OXA1L: variants seen among roughly 807,000 people sequenced by gnomAD.
OXA1L encodes the protein mitochondrial inner membrane protein OXA1L.
Under a neutral mutation model 52.2 loss-of-function variants are expected in OXA1L, and 42 were observed. That is an observed-to-expected ratio of 0.80 (90% CI 0.63 to 1.04). The LOEUF is 1.04. Among genes scored for constraint, OXA1L ranks in the 50% least tolerant of loss-of-function variants. The pLI, the probability that OXA1L is intolerant of heterozygous loss-of-function variation, is 0.00. For missense variants in OXA1L, 572 were observed against 555.0 expected, an observed-to-expected ratio of 1.03 and a Z score of -0.31; for synonymous variants, 239 against 201.9, an observed-to-expected ratio of 1.18 and a Z score of -1.56.
Position 22,766,729 on chromosome 14 carries a change from C to CGGGA in OXA1L, c.30_33dup (p.Leu12GlyfsTer83). The CGGGA allele has an allele frequency of 6.2e-7, 1 of 1,614,248 alleles. No individual in the cohort carries two copies. The highest frequency in any genetic ancestry group is 1.3e-5 in the African/African-American group (1 of 75,058). Reference sequence around the variant, plus strand: ...GGCGATGGGACTAATGTGCGGACGCCGGGAGCTTCTGCGCTTGCTACAGTC... The same window carrying CGGGA: ...GGCGATGGGACTAATGTGCGGACGCCGGGAGGGAGCTTCTGCGCTTGCTACAGTC... On this transcript the variant is annotated frameshift_variant, in exon 1 of 10. Coordinates refer to ENST00000612549, the MANE Select transcript of OXA1L (RefSeq NM_005015.5). LOFTEE classifies it high-confidence loss of function.
In OXA1L at chr14:22,770,568, C is replaced by A. The variant is rs750987861; in HGVS notation, c.777C>A (p.Ser259=). 6.2e-7 allele frequency: 1 copy of A among 1,614,128 alleles called. No homozygotes were observed. Among genetic ancestry groups the A allele is most frequent in the Non-Finnish European group, 8.5e-7 (1 of 1,179,988 alleles). Residue 259 remains serine (S), a synonymous_variant, in exon 6 of 10, where the codon TCC becomes TCA. Coordinates refer to ENST00000612549, the MANE Select transcript of OXA1L (RefSeq NM_005015.5). The part of the protein sequence containing the change: ...GLWWFQDLTV[S]DPIYILPLAV... ...GGTGGTTCCAGGATCTCACGGTATCCGATCCCATCTACATATTACCACTGG... is the reference window on the plus strand; with the variant it reads ...GGTGGTTCCAGGATCTCACGGTATCAGATCCCATCTACATATTACCACTGG...
chr14:22,770,387 TGG>T (rs780442510), intron 5 of OXA1L, 72 bp from the exon 6 acceptor site: 148 of 1,573,654 alleles, frequency 9.4e-5, no homozygotes, highest in Non-Finnish European at 1.1e-4. Context: ...GGATTATACA[TGG>T]CTTTCAGTAG....
In OXA1L at chr14:22,771,620, A is replaced by G; in HGVS notation, c.*62A>G. The G allele has an allele frequency of 6.4e-7, 1 of 1,562,404 alleles. No homozygotes were observed. Among genetic ancestry groups the G allele is most frequent in the Non-Finnish European group, 8.8e-7 (1 of 1,134,274 alleles). Reference sequence around the variant, plus strand: ...TCTTCAGAGACTCATCCTCAAAACAAGACTTGACACTGTGTCCTTGCCCCA... The same window carrying G: ...TCTTCAGAGACTCATCCTCAAAACAGGACTTGACACTGTGTCCTTGCCCCA... On this transcript the variant is annotated 3_prime_UTR_variant, in exon 10 of 10. Transcript: ENST00000612549.
intron 3 of OXA1L, among the ~76,000 whole-genome samples, chr14:22,769,569 T>A (rs1424327479): frequency 1.3e-5 from 2 of 152,220 alleles, no homozygotes. Context: ...CCTAATCATC[T>A]GCTTAGAGAA....
At position 22,771,271 on chromosome 14, in the gene OXA1L, G is replaced by T; in HGVS notation, c.1106G>T (p.Trp369Leu). 2 of 1,614,100 alleles carry T rather than the reference G, an allele frequency of 1.2e-6. No individual in the cohort carries two copies. Among genetic ancestry groups the T allele is most frequent in the Non-Finnish European group, 1.7e-6 (2 of 1,179,978 alleles). Residue 369 changes from tryptophan (W) to leucine (L), a missense_variant, in exon 9 of 10, where the codon TGG becomes TTG. Trp to Leu is a moderately conservative substitution (Grantham distance 61). Coordinates refer to ENST00000612549, the MANE Select transcript of OXA1L (RefSeq NM_005015.5). The stretch of plus-strand genomic sequence containing the variant: ...TCTCTTGCTTCTCTTTACACAGGCT[G>T]GAAAAATGCTGAAATGACGCGTCAG... Reference protein sequence around the residue: ...EGFLESFKKGWKNAEMTRQLR... With the variant: ...EGFLESFKKGLKNAEMTRQLR...
In OXA1L at chr14:22,771,990, C is replaced by CGGGA. The variant is rs1288264425; in HGVS notation, c.*435_*438dup. 6.2e-6 allele frequency: 1 copy of CGGGA among 162,220 alleles called. No homozygotes were observed. The highest frequency in any genetic ancestry group is 1.3e-5 in the Non-Finnish European group (1 of 74,186). The allele number at this position is 162,220 out of a possible 1,614,324, so 10.0% of individuals were successfully genotyped here. A position where few individuals can be genotyped will look rare whatever the true frequency, so the allele number is the denominator to read the frequency against. On this transcript the variant is annotated 3_prime_UTR_variant, in exon 10 of 10. Coordinates refer to ENST00000612549, the MANE Select transcript of OXA1L (RefSeq NM_005015.5). ...GTGCACACCTGTAGTCCCAGCTACT[C>CGGGA]GGGAGGCTGAGGCAGGAGAATTGCT... is the stretch of plus-strand genomic sequence containing the variant.
At chr14:22,766,855 G>C in intron 1 of OXA1L, 91 bp downstream of exon 1, 1 of 1,574,470 alleles carries the variant, frequency 6.4e-7, no homozygotes, top group Non-Finnish European at 8.6e-7. Flanking sequence ...ATCAGCAGAC[G>C]CTGACCTGCT....
Position 22,770,620 on chromosome 14 carries a change from C to G in OXA1L, c.829C>G (p.Leu277Val). 6.2e-7 allele frequency: 1 copy of G among 1,610,332 alleles called. No individual in the cohort carries two copies. The highest frequency in any genetic ancestry group is 2.2e-5 in the East Asian group (1 of 44,768). ...AGTCACTGCTACAATGTGGGCTGTT[C>G]TTGAGGTAAGCCCAGATTGGCCAAG... ...LAVTATMWAV[L>V]ELGAETGVQS... The change falls in exon 6 of 10, where the codon CTT (leucine) becomes GTT (valine). Residue 277 changes from leucine to valine, a missense_variant. This residue lies in a region of OXA1L where 244 missense variants were observed against 240.2 expected (regional missense o/e 1.02). Transcript: ENST00000612549.
chr14:22,769,902 G>T lies in OXA1L; in HGVS notation c.551G>T (p.Arg184Ile). The change falls in exon 4 of 10, where the codon AGA becomes ATA. Residue 184 changes from arginine (R) to isoleucine (I), a missense_variant. Physicochemically the swap from Arg to Ile is moderately conservative, Grantham distance 97. Coordinates refer to ENST00000612549, the MANE Select transcript of OXA1L (RefSeq NM_005015.5). ...ATCCAGAAGTTTTCCAGTCGAATCAGAGAGGCCAAGTTAGCAGGAGACCAT... is the reference window on the plus strand; with the variant it reads ...ATCCAGAAGTTTTCCAGTCGAATCATAGAGGCCAAGTTAGCAGGAGACCAT... ...PEIQKFSSRIREAKLAGDHIE... is the reference protein window; with the variant it reads ...PEIQKFSSRIIEAKLAGDHIE... 2.5e-6 allele frequency: 4 copies of T among 1,614,174 alleles called. No homozygotes were observed. The highest frequency in any genetic ancestry group is 3.4e-6 in the Non-Finnish European group (4 of 1,180,034).
Position 22,771,641 on chromosome 14 carries a change from C to A in OXA1L, c.*83C>A. 2 of 1,417,332 alleles carry A rather than the reference C, an allele frequency of 1.4e-6. No homozygotes were observed. Among genetic ancestry groups the A allele is most frequent in the Non-Finnish European group, 2.0e-6 (2 of 1,006,490 alleles). 87.8% of individuals were successfully genotyped at this position (1,417,332 alleles called of 1,614,324 possible). ...AACAAGACTTGACACTGTGTCCTTGCCCCAGTCCTAGGAACTGTGGCACAC... is the reference window on the plus strand; with the variant it reads ...AACAAGACTTGACACTGTGTCCTTGACCCAGTCCTAGGAACTGTGGCACAC... On this transcript the variant is annotated 3_prime_UTR_variant, in exon 10 of 10. Transcript: ENST00000612549.
intron 2 of OXA1L, 119 bp downstream of exon 2, chr14:22,767,528 C>G: frequency 1.2e-6 from 1 of 813,868 alleles, no homozygotes; most frequent in Non-Finnish European, 1.9e-6. Context: ...CTCCACACAG[C>G]TCTCCAAAAT....
Position 22,767,974 on chromosome 14 carries a change from T to C in OXA1L, c.242T>C (p.Val81Ala), listed in dbSNP as rs1256624225. 18 of 1,612,464 alleles carry C rather than the reference T, an allele frequency of 1.1e-5. No homozygotes were observed. Among genetic ancestry groups the C allele is most frequent in the Non-Finnish European group, 1.5e-5 (18 of 1,178,572 alleles). ...FAEVQVQAPPVVAATPSPTAV... is the reference protein window; with the variant it reads ...FAEVQVQAPPAVAATPSPTAV... ...TTCACACAGGTTCAGGCCCCTCCTG[T>C]TGTTGCTGCAACTCCCTCACCCACA... The change falls in exon 3 of 10, where the codon GTT becomes GCT. Residue 81 changes from valine to alanine, a missense_variant. Physicochemically the swap from Val to Ala is moderately conservative, Grantham distance 64. This residue lies in a region of OXA1L where 186 missense variants were observed against 151.8 expected (regional missense o/e 1.23). Coordinates refer to ENST00000612549, the MANE Select transcript of OXA1L (RefSeq NM_005015.5).
rs1340557890 is a variant in OXA1L at position 22,772,958 on chromosome 14, C to T, written c.*1400C>T. 1 of 236,254 alleles carries T rather than the reference C, an allele frequency of 4.2e-6. No individual in the cohort carries two copies. Among genetic ancestry groups the T allele is most frequent in the African/African-American group, 2.3e-5 (1 of 43,226 alleles). The allele number at this position is 236,254 out of a possible 1,614,324, so 14.6% of individuals were successfully genotyped here. On this transcript the variant is annotated 3_prime_UTR_variant, in exon 10 of 10. Coordinates refer to ENST00000612549, the MANE Select transcript of OXA1L (RefSeq NM_005015.5). ...TGATCCAAGATCATGCTGCTATACT[C>T]CAGCCTTGGCTACAGAGCAAGATCC...
chr14:22,768,964 C>T (rs1190773316), intron 3 of OXA1L: 1 of 151,874 alleles, frequency 6.6e-6, no homozygotes, highest in Non-Finnish European at 1.5e-5. Flanking sequence ...GCTCTGTCAC[C>T]CAGGCTGGAG....
At chr14:22,770,331 C>G (rs766984653) in intron 5 of OXA1L, 53 bp downstream of exon 5, 45 of 1,526,074 alleles carry the variant, frequency 2.9e-5, no homozygotes, top group Non-Finnish European at 3.8e-5. Flanking sequence ...GAAATTTCCT[C>G]TCTGTGTTTC....
At position 22,766,735 on chromosome 14, in the gene OXA1L, C is replaced by A. The variant is rs568620624; in HGVS notation, c.34C>A (p.Leu12Ile). 1.2e-6 allele frequency: 2 copies of A among 1,614,280 alleles called. No individual in the cohort carries two copies. The highest frequency in any genetic ancestry group is 2.2e-5 in the South Asian group (2 of 91,090). Residue 12 changes from leucine to isoleucine, a missense_variant, in exon 1 of 10, where the codon CTT becomes ATT. Coordinates refer to ENST00000612549, the MANE Select transcript of OXA1L (RefSeq NM_005015.5). ...AMGLMCGRRE[L>I]LRLLQSGRRV... ...GGGACTAATGTGCGGACGCCGGGAG[C>A]TTCTGCGCTTGCTACAGTCCGGGCG...
chr14:22,771,232 G>C (rs751312613), intron 8 of OXA1L, 36 bp from the exon 9 acceptor site: 8 of 1,612,928 alleles, frequency 5.0e-6, no homozygotes, highest in Non-Finnish European at 5.9e-6. Context: ...TCTAAAAATA[G>C]GAATGCAACT....
rs1484857634 is a variant in OXA1L, at chr14:22,767,972, T to A, written c.240T>A (p.Pro80=). The A allele has an allele frequency of 1.2e-6, 2 of 1,612,576 alleles. No homozygotes were observed. The highest frequency in any genetic ancestry group is 1.7e-6 in the Non-Finnish European group (2 of 1,178,634). ...CTTTCACACAGGTTCAGGCCCCTCC[T>A]GTTGTTGCTGCAACTCCCTCACCCA... ...SFAEVQVQAP[P]VVAATPSPTA... Residue 80 remains proline, a synonymous_variant, in exon 3 of 10, where the codon CCT becomes CCA. Transcript: ENST00000612549.
intron 3 of OXA1L, 108 bp downstream of exon 3, chr14:22,768,279 G>A: frequency 2.4e-6 from 2 of 817,782 alleles, no homozygotes; most frequent in South Asian, 3.0e-5. Flanking sequence ...CAGAAGAGCA[G>A]ATGATTTCAA....
Sources: allele counts gnomAD v4.1 joint callset (sites outside exome capture counted in the v4.1 genomes callset), GRCh38; gene constraint gnomAD v4.1.1; regional missense constraint gnomAD v4.1.1; transcripts MANE v1.5; gene names NCBI Gene and HGNC (gene_info 2026-07-23, HGNC 2026-07-21).